Variants in SLC35F4 observed in about 807,000 individuals in gnomAD.
SLC35F4 encodes solute carrier family 35 member F4, also known as chromosome 14 open reading frame 36.
SLC35F4 carries 24 observed loss-of-function variants against 44.2 expected under a neutral mutation model. The ratio of observed to expected loss-of-function variants is 0.54; its 90% CI spans 0.39 to 0.76. SLC35F4 has a LOEUF of 0.76. SLC35F4 is among the 30% of genes least tolerant of loss of function. The pLI, the probability that SLC35F4 is intolerant of heterozygous loss-of-function variation, is 0.00. For missense variants in SLC35F4, 562 were observed against 586.1 expected, an observed-to-expected ratio of 0.96 and a Z score of 0.42; for synonymous variants, 238 against 223.6, an observed-to-expected ratio of 1.06 and a Z score of -0.57.
At chr14:57,651,757 T>C (rs2073792818) in intron 1 of SLC35F4, among the ~76,000 whole-genome samples, 1 of 152,080 alleles carries the variant, frequency 6.6e-6, no homozygotes, top group Non-Finnish European at 1.5e-5. Context: ...TACCTACAGT[T>C]CTGTAGTTCT....
intron 1 of SLC35F4, among the ~76,000 whole-genome samples, chr14:57,892,132 T>G (rs1359005015): frequency 6.6e-6 from 1 of 152,230 alleles, no homozygotes; most frequent in Non-Finnish European, 1.5e-5. Flanking sequence ...TAGAGGTGTT[T>G]CTCACATCTT....
At chr14:57,608,173 T>C (rs775362584) in intron 1 of SLC35F4, among the ~76,000 whole-genome samples, 2 of 152,102 alleles carry the variant, frequency 1.3e-5, no homozygotes, top group Admixed American at 6.6e-5. Context: ...TCACTGAAGC[T>C]ATGGGAGGGG....
At chr14:57,589,157 G>T in intron 3 of SLC35F4, 59 bp downstream of exon 3, 1 of 1,498,564 alleles carries the variant, frequency 6.7e-7, no homozygotes, top group South Asian at 1.4e-5. Context: ...GATAAAAATA[G>T]GCATATTTTC....
chr14:57,859,500 T>A (rs1887492558), intron 1 of SLC35F4, among the ~76,000 whole-genome samples: 1 of 152,178 alleles, frequency 6.6e-6, no homozygotes, highest in African/African-American at 2.4e-5. Context: ...AGGATTGTGG[T>A]GTAGGGGGGA....
intron 4 of SLC35F4, among the ~76,000 whole-genome samples, chr14:57,573,692 G>A (rs961961115): frequency 1.3e-5 from 2 of 151,980 alleles, no homozygotes; most frequent in Non-Finnish European, 2.9e-5. Context: ...GTTCTTTGGG[G>A]GATCTGATTT....
intron 1 of SLC35F4, among the ~76,000 whole-genome samples, chr14:57,941,710 A>T (rs571707342): frequency 8.1e-5 from 12 of 148,174 alleles, no homozygotes; most frequent in South Asian, 2.1e-4. Context: ...AGCTCAATTT[A>T]AAAAAAAAAG....
chr14:57,680,140 C>A (rs565856292), intron 1 of SLC35F4, among the ~76,000 whole-genome samples: 289 of 152,202 alleles, frequency 1.9e-3, no homozygotes, highest in Admixed American at 3.7e-3. Flanking sequence ...TACTGGCAAA[C>A]CGAATCCAGC....
At chr14:57,602,549 G>A (rs1273949358) in intron 1 of SLC35F4, 2 of 152,070 alleles carry the variant, frequency 1.3e-5, no homozygotes, top group African/African-American at 4.8e-5. Context: ...ACATGATGAT[G>A]GTAGAAAGAA....
intron 1 of SLC35F4, among the ~76,000 whole-genome samples, chr14:57,653,281 G>T (rs2073851468): frequency 6.6e-6 from 1 of 152,174 alleles, no homozygotes; most frequent in Admixed American, 6.5e-5. Context: ...AATGAGGCAT[G>T]AAAGACGACT....
At chr14:57,640,722 T>A (rs2073190298) in intron 1 of SLC35F4, among the ~76,000 whole-genome samples, 1 of 152,062 alleles carries the variant, frequency 6.6e-6, no homozygotes, top group Non-Finnish European at 1.5e-5. Context: ...TTGGATAGCA[T>A]ATTTCCATAA....
At chr14:57,967,635 T>C (rs1880912281) in intron 1 of SLC35F4, among the ~76,000 whole-genome samples, 2 of 152,236 alleles carry the variant, frequency 1.3e-5, no homozygotes, top group African/African-American at 4.8e-5. Context: ...ATTATTATCA[T>C]CATTTCTCAG....
At chr14:57,586,109 G>A (rs2069699604) in intron 3 of SLC35F4, among the ~76,000 whole-genome samples, 1 of 152,138 alleles carries the variant, frequency 6.6e-6, no homozygotes, top group Non-Finnish European at 1.5e-5. Flanking sequence ...AAAACAGCAT[G>A]ATACTGGTAC....
intron 3 of SLC35F4, among the ~76,000 whole-genome samples, chr14:57,588,055 G>A (rs1299107612): frequency 6.7e-6 from 1 of 149,976 alleles, no homozygotes; most frequent in African/African-American, 2.5e-5. Context: ...GCATGGTGGC[G>A]GGCGCTTGTA....
chr14:57,624,372 C>G (rs1359163153), intron 1 of SLC35F4, among the ~76,000 whole-genome samples: 1 of 152,104 alleles, frequency 6.6e-6, no homozygotes, highest in African/African-American at 2.4e-5. Flanking sequence ...ACCAGAGGTA[C>G]AAAGAGGAGC....
At chr14:57,706,039 C>T (rs6573161) in intron 1 of SLC35F4, among the ~76,000 whole-genome samples, 139,245 of 152,160 alleles carry the variant, frequency 0.92, 64,381 homozygotes, top group Non-Finnish European at 1. Context: ...GATGTGCCTA[C>T]TGCAATGAGT....
intron 1 of SLC35F4, among the ~76,000 whole-genome samples, chr14:57,912,344 A>T (rs972873708): frequency 6.6e-6 from 1 of 151,838 alleles, no homozygotes; most frequent in African/African-American, 2.4e-5. Context: ...GTAGAAACGT[A>T]GATTATTGAC....
chr14:57,901,714 TAATA>T (rs1889004216), intron 1 of SLC35F4, among the ~76,000 whole-genome samples: 1 of 152,188 alleles, frequency 6.6e-6, no homozygotes. Context: ...AGAGAATGCC[TAATA>T]AATAATATTT....
chr14:57,964,991 A>AATATATATATATATATATAT (rs1212108605), intron 1 of SLC35F4, among the ~76,000 whole-genome samples: 15 of 115,662 alleles, frequency 1.3e-4, no homozygotes, highest in African/African-American at 5.1e-4. Flanking sequence ...AAAAAAAAAA[A>AATATATATATATATATATAT]ATATATATAT....
chr14:57,751,767 G>T (rs1342450806), intron 1 of SLC35F4, among the ~76,000 whole-genome samples: 1 of 152,074 alleles, frequency 6.6e-6, no homozygotes, highest in African/African-American at 2.4e-5. Flanking sequence ...AAATTCTATG[G>T]TCACAATGAA....
Sources: allele counts gnomAD v4.1 joint callset (sites outside exome capture counted in the v4.1 genomes callset), GRCh38; gene constraint gnomAD v4.1.1; transcripts MANE v1.5; gene names NCBI Gene and HGNC (gene_info 2026-07-23, HGNC 2026-07-21).